The following NPEPPS variants were observed in gnomAD, a reference collection of about 807,000 sequenced individuals.
NPEPPS encodes aminopeptidase puromycin sensitive.
In NPEPPS, 14 loss-of-function variants were observed where a neutral mutation model predicts 115.5. That is an observed-to-expected ratio of 0.12 (90% CI 0.08 to 0.19). NPEPPS has a LOEUF of 0.19. NPEPPS is among the 10% of genes least tolerant of loss of function. NPEPPS has a pLI of 1.00. For missense variants in NPEPPS, 523 were observed against 1,110.8 expected (o/e 0.47, Z 7.52); for synonymous variants, 285 against 390.6 (o/e 0.73, Z 3.19).
chr17:47,613,778 C>T lies in NPEPPS; in HGVS notation c.2295+53C>T, dbSNP rs1022557579. ...TCCTGCTTTTGAACTTGGATAGACA[C>T]ACAGTAAACCTCTAAATGGTTAAAA... On this transcript the variant is annotated intron_variant, in intron 19 of 22. Transcript: ENST00000322157. 11 of 1,285,994 alleles carry T rather than the reference C, an allele frequency of 8.6e-6. No individual in the cohort carries two copies. In the African/African-American group the frequency reaches 1.6e-4, roughly 19 times the overall value. The allele number at this position is 1,285,994 out of a possible 1,614,324, so 79.7% of individuals were successfully genotyped here.
chr17:47,552,863 A>G (rs978432201), intron 2 of NPEPPS, among the ~76,000 whole-genome samples: 1 of 152,202 alleles, frequency 6.6e-6, no homozygotes, highest in Non-Finnish European at 1.5e-5. Flanking sequence ...TAAGTGCATT[A>G]CATGTTCATA....
rs1205796062 is a variant in NPEPPS at position 47,584,071 on chromosome 17, A to T, written c.648+1222A>T. 5.3e-5 allele frequency among the ~76,000 whole-genome samples: 8 copies of T among 150,798 alleles called. No homozygotes were observed. In the East Asian group the frequency reaches 1.6e-3, roughly 30 times the overall value. ...CCCCATCTCTACTAAAAATACAAAA[A>T]TTAGCCAGATATGGTGGCAGGCACC... On this transcript the variant is annotated intron_variant, in intron 5 of 22. Coordinates refer to ENST00000322157, the MANE Select transcript of NPEPPS (RefSeq NM_006310.4).
chr17:47,564,958 C>G (rs1597842312), intron 2 of NPEPPS, among the ~76,000 whole-genome samples: 1 of 152,038 alleles, frequency 6.6e-6, no homozygotes, highest in Admixed American at 6.6e-5. Context: ...CATTAATGAC[C>G]TCCATGACAT....
upstream of NPEPPS, chr17:47,531,104 C>G (rs1189976290): frequency 2.4e-5 from 19 of 798,034 alleles, no homozygotes; most frequent in South Asian, 4.8e-4. Context: ...CAGCCGCCGC[C>G]ACCACTTCCC....
intron 1 of NPEPPS, among the ~76,000 whole-genome samples, chr17:47,536,078 A>G (rs1189906773): frequency 1.3e-5 from 2 of 151,962 alleles, no homozygotes; most frequent in African/African-American, 4.8e-5. Context: ...ACCTCATTCC[A>G]TCTTCCTCGG....
intron 19 of NPEPPS, among the ~76,000 whole-genome samples, chr17:47,617,204 TTTTA>T (rs2143979884): frequency 6.6e-6 from 1 of 152,244 alleles, no homozygotes; most frequent in South Asian, 2.1e-4. Flanking sequence ...ATAGTAGTAA[TTTTA>T]TTTTTTTCTT....
intron 2 of NPEPPS, among the ~76,000 whole-genome samples, chr17:47,549,366 G>T (rs1183162421): frequency 6.6e-6 from 1 of 151,934 alleles, no homozygotes; most frequent in African/African-American, 2.4e-5. Flanking sequence ...TTCAGAACTA[G>T]CTAAGGTACA....
At chr17:47,590,509 C>G (rs1403722229) in intron 9 of NPEPPS, among the ~76,000 whole-genome samples, 3 of 151,090 alleles carry the variant, frequency 2.0e-5, no homozygotes, top group Admixed American at 1.3e-4. Flanking sequence ...AGATATAATT[C>G]TCATATCACC....
intron 2 of NPEPPS, among the ~76,000 whole-genome samples, chr17:47,562,406 T>G (rs529202603): frequency 6.6e-6 from 1 of 152,300 alleles, no homozygotes; most frequent in East Asian, 1.9e-4. Context: ...ACTGATTGCT[T>G]CTTGTTGGTG....
intron 13 of NPEPPS, among the ~76,000 whole-genome samples, chr17:47,598,249 G>A (rs941682772): frequency 5.3e-5 from 8 of 151,898 alleles, no homozygotes; most frequent in African/African-American, 1.9e-4. Flanking sequence ...AAGGTGGGAG[G>A]ATTGCTTGAG....
At chr17:47,555,871 T>G (rs1909976336) in intron 2 of NPEPPS, among the ~76,000 whole-genome samples, 1 of 152,004 alleles carries the variant, frequency 6.6e-6, no homozygotes, top group Non-Finnish European at 1.5e-5. Flanking sequence ...AATCCATGTT[T>G]GGATCTGCCA....
At position 47,537,674 on chromosome 17, in the gene NPEPPS, C is replaced by T. The variant is rs536193306; in HGVS notation, c.255+6119C>T. Reference sequence around the variant, plus strand: ...TGAGATCACGCCATTGCACTCCAGCCGGGGTGACACAGCGAGACCCTGTCT... The same window carrying T: ...TGAGATCACGCCATTGCACTCCAGCTGGGGTGACACAGCGAGACCCTGTCT... On this transcript the variant is annotated intron_variant, in intron 1 of 22. Coordinates refer to ENST00000322157, the MANE Select transcript of NPEPPS (RefSeq NM_006310.4). Among the ~76,000 whole-genome samples, 32 of 151,134 alleles carry T rather than the reference C, an allele frequency of 2.1e-4. No individual in the cohort carries two copies. In the South Asian group the frequency reaches 3.1e-3, roughly 15 times the overall value.
intron 2 of NPEPPS, among the ~76,000 whole-genome samples, chr17:47,552,262 C>T (rs1909706799): frequency 6.6e-6 from 1 of 152,008 alleles, no homozygotes; most frequent in Non-Finnish European, 1.5e-5. Flanking sequence ...TGTGCTTGGC[C>T]CTTGTTTGGA....
rs756584904 is a variant in NPEPPS, at chr17:47,622,911, C to G, written c.*991C>G. The G allele has an allele frequency of 4.4e-6, 2 of 455,924 alleles. No homozygotes were observed. Among genetic ancestry groups the G allele is most frequent in the Non-Finnish European group, 8.8e-6 (2 of 226,782 alleles). 28.2% of individuals were successfully genotyped at this position (455,924 alleles called of 1,614,324 possible). A position where few individuals can be genotyped will look rare whatever the true frequency, so the allele number is the denominator to read the frequency against. On this transcript the variant is annotated 3_prime_UTR_variant, in exon 23 of 23. Transcript: ENST00000322157. ...CTTCTCCCGGTTCATTTTATGCGTG[C>G]GAGAAGTCAGTGGTAACTGCTGCAG...
intron 4 of NPEPPS, chr17:47,579,733 C>T (rs1343613659): frequency 1.0e-5 from 4 of 398,954 alleles, no homozygotes; most frequent in Non-Finnish European, 1.8e-5. Context: ...TACACACAGA[C>T]GCTCAAACAC....
intron 2 of NPEPPS, among the ~76,000 whole-genome samples, chr17:47,547,014 A>G (rs1230362689): frequency 4.6e-5 from 7 of 152,172 alleles, no homozygotes; most frequent in Non-Finnish European, 7.3e-5. Flanking sequence ...TGTTTTTCTT[A>G]AAGTTTTTTT....
chr17:47,566,313 C>T (rs1162110141), intron 2 of NPEPPS, among the ~76,000 whole-genome samples: 1 of 151,878 alleles, frequency 6.6e-6, no homozygotes, highest in Non-Finnish European at 1.5e-5. Flanking sequence ...CATTTAATAG[C>T]CTAGTCTAAT....
chr17:47,577,766 G>C (rs1485675009), intron 3 of NPEPPS, among the ~76,000 whole-genome samples: 1 of 152,150 alleles, frequency 6.6e-6, no homozygotes. Context: ...ATTACTTTTA[G>C]AACCAGTTTG....
chr17:47,555,378 G>A (rs1315645677), intron 2 of NPEPPS, among the ~76,000 whole-genome samples: 2 of 140,640 alleles, frequency 1.4e-5, no homozygotes, highest in African/African-American at 2.7e-5. Context: ...ATGGAGTTTC[G>A]CTCTTATTGC....
Sources: allele counts gnomAD v4.1 joint callset (sites outside exome capture counted in the v4.1 genomes callset), GRCh38; gene constraint gnomAD v4.1.1; transcripts MANE v1.5; gene names NCBI Gene and HGNC (gene_info 2026-07-23, HGNC 2026-07-21).